ACACA: variants seen among roughly 807,000 people sequenced by gnomAD.
ACACA encodes acetyl-CoA carboxylase alpha.
Under a neutral mutation model 296.1 loss-of-function variants are expected in ACACA, and 103 were observed. The observed-to-expected ratio is 0.35, with a 90% CI of 0.30 to 0.41. The LOEUF is 0.41. Ranked by LOEUF, ACACA falls within the 10% of genes least tolerant of loss-of-function variation. The pLI, the probability that ACACA is intolerant of heterozygous loss-of-function variation, is 1.00. For synonymous variants in ACACA, 953 were observed against 1,038.6 expected (o/e 0.92, Z 1.58); for missense variants, 1,554 against 2,989.7 (o/e 0.52, Z 11.20).
At chr17:37,392,434 T>C (rs985376774) in intron 1 of ACACA, 1 of 152,168 alleles carries the variant, frequency 6.6e-6, no homozygotes, top group African/African-American at 2.4e-5. Flanking sequence ...GATAATGCTG[T>C]TTCTCACAGG....
At chr17:37,370,696 A>T (rs1478610246) in intron 1 of ACACA, among the ~76,000 whole-genome samples, 2 of 149,338 alleles carry the variant, frequency 1.3e-5, no homozygotes, top group Non-Finnish European at 3.0e-5. Context: ...AATAAATAAA[A>T]ATTAGGCCAG....
rs1041917270 is a variant in ACACA, at chr17:37,192,424, G to A, written c.4201-119C>T. On this transcript the variant is annotated intron_variant, in intron 36 of 55. Coordinates refer to ENST00000616317, the MANE Select transcript of ACACA (RefSeq NM_198834.3). ...AACATAAGCTATGATGTGCTAATGA[G>A]CAACAAAAATGAGCTACATTCAAGG... is the stretch of plus-strand genomic sequence containing the variant. The A allele has an allele frequency of 8.3e-6, 8 of 962,044 alleles. No homozygotes were observed. The African/African-American group carries it at 1.3e-4, about 16-fold the overall frequency. The allele number at this position is 962,044 out of a possible 1,614,324, so 59.6% of individuals were successfully genotyped here.
intron 41 of ACACA, among the ~76,000 whole-genome samples, chr17:37,164,759 T>A (rs1350584662): frequency 6.6e-6 from 1 of 152,194 alleles, no homozygotes; most frequent in Non-Finnish European, 1.5e-5. Flanking sequence ...CTGTCAATTT[T>A]CCTCTAAATG....
intron 52 of ACACA, among the ~76,000 whole-genome samples, chr17:37,104,724 C>T (rs1000703095): frequency 2.6e-5 from 4 of 152,046 alleles, no homozygotes; most frequent in South Asian, 2.1e-4. Flanking sequence ...GGAAGGACTG[C>T]GGAGGCCAGG....
chr17:37,203,065 G>A (rs372911488), intron 33 of ACACA, among the ~76,000 whole-genome samples: 1 of 151,604 alleles, frequency 6.6e-6, no homozygotes, highest in South Asian at 2.1e-4. Context: ...AGGTTCAAGC[G>A]ATTCTCTTGC....
At chr17:37,260,271 TATATATATATATATATATATA>T (rs2081406209) in intron 11 of ACACA, among the ~76,000 whole-genome samples, 1 of 25,310 alleles carries the variant, frequency 4.0e-5, no homozygotes, top group Admixed American at 5.2e-4. Flanking sequence ...TATATATATA[TATATATATATATATATATATA>T]TATATTTTTT....
intron 11 of ACACA, among the ~76,000 whole-genome samples, chr17:37,260,276 ATATATATATATATATATATATTTT>A (rs1489396059): frequency 1.3e-4 from 4 of 29,826 alleles, no homozygotes; most frequent in African/African-American, 5.2e-4. Context: ...ATATATATAT[ATATATATATATATATATATATTTT>A]TTTTTTTTTT....
chr17:37,287,934 C>T (rs189362566), intron 3 of ACACA, among the ~76,000 whole-genome samples: 154 of 152,288 alleles, frequency 1.0e-3, no homozygotes, highest in Non-Finnish European at 1.9e-3. Context: ...TTTTCTTCAT[C>T]CTTTTCTATC....
intron 35 of ACACA, among the ~76,000 whole-genome samples, chr17:37,198,349 G>GTTA (rs945888456): frequency 6.6e-6 from 1 of 152,188 alleles, no homozygotes; most frequent in Non-Finnish European, 1.5e-5. Flanking sequence ...CAAATTTAGT[G>GTTA]TTATTCCCTA....
intron 1 of ACACA, among the ~76,000 whole-genome samples, chr17:37,380,046 C>A (rs1213675618): frequency 1.3e-5 from 2 of 151,404 alleles, no homozygotes; most frequent in Non-Finnish European, 2.9e-5. Context: ...TAATGATAGA[C>A]TGGATTAAGA....
intron 45 of ACACA, among the ~76,000 whole-genome samples, chr17:37,141,975 G>A (rs1470404180): frequency 2.7e-5 from 4 of 150,816 alleles, no homozygotes; most frequent in Admixed American, 2.0e-4. Flanking sequence ...ACAGGCATGA[G>A]CCACCATGCC....
At chr17:37,325,267 A>T in intron 3 of ACACA, among the ~76,000 whole-genome samples, 1 of 150,726 alleles carries the variant, frequency 6.6e-6, no homozygotes, top group Middle Eastern at 3.4e-3. Flanking sequence ...TTGGGAGGCT[A>T]AGGGAGGAGA....
At chr17:37,171,624 T>C (rs1311330642) in intron 41 of ACACA, among the ~76,000 whole-genome samples, 4 of 152,118 alleles carry the variant, frequency 2.6e-5, no homozygotes, top group Non-Finnish European at 5.9e-5. Flanking sequence ...ACTTCAAAAA[T>C]GGCTGAACAA....
chr17:37,222,711 T>C (rs2145672045), intron 28 of ACACA, among the ~76,000 whole-genome samples: 1 of 152,216 alleles, frequency 6.6e-6, no homozygotes, highest in Middle Eastern at 3.4e-3. Flanking sequence ...TACCACAGAG[T>C]ACAAATAAAA....
At chr17:37,203,735 C>A (rs982074683) in intron 33 of ACACA, among the ~76,000 whole-genome samples, 1 of 151,930 alleles carries the variant, frequency 6.6e-6, no homozygotes. Context: ...AAGAGTGAAA[C>A]TCCATCTCAA....
At chr17:37,100,435 C>A (rs1315995617) in intron 52 of ACACA, among the ~76,000 whole-genome samples, 2 of 151,928 alleles carry the variant, frequency 1.3e-5, no homozygotes, top group East Asian at 3.9e-4. Flanking sequence ...AACATTCCTG[C>A]CCAAAAAGCA....
intron 1 of ACACA, among the ~76,000 whole-genome samples, chr17:37,396,718 A>G (rs556367390): frequency 9.0e-4 from 137 of 152,284 alleles, no homozygotes; most frequent in Non-Finnish European, 1.6e-3. Context: ...TAAAGGCCAG[A>G]AGAAATCTTT....
At position 37,283,257 on chromosome 17, in the gene ACACA, A is replaced by C. The variant is rs1225150059; in HGVS notation, c.610+10T>G. On this transcript the variant is annotated intron_variant, in intron 5 of 55. Transcript: ENST00000616317. ...TTGAGAGTGATGCTTTCATAATGCT[A>C]ATAACTCACCTGCATTGGCTTTAAG... The C allele has an allele frequency of 6.2e-7, 1 of 1,613,990 alleles. No individual in the cohort carries two copies. Among genetic ancestry groups the C allele is most frequent in the Non-Finnish European group, 8.5e-7 (1 of 1,179,984 alleles).
At chr17:37,144,938 T>G (rs1009173784) in intron 45 of ACACA, among the ~76,000 whole-genome samples, 27 of 152,196 alleles carry the variant, frequency 1.8e-4, no homozygotes, top group African/African-American at 6.5e-4. Context: ...AGTCAGTTAA[T>G]GTCCACAGGA....
Sources: gnomAD v4.1 joint callset for allele counts (sites outside exome capture counted in the v4.1 genomes callset) on GRCh38, gnomAD v4.1.1 for gene constraint, MANE v1.5 for transcripts, NCBI Gene and HGNC (gene_info 2026-07-23, HGNC 2026-07-21) for gene names.